PPP5C: variants seen among roughly 807,000 people sequenced by gnomAD.
PPP5C encodes protein phosphatase 5 catalytic subunit, also known as serine/threonine-protein phosphatase 5.
In PPP5C, 21 loss-of-function variants were observed where a neutral mutation model predicts 66.7. The observed-to-expected ratio is 0.31, with a 90% confidence interval of 0.22 to 0.45. The LOEUF (loss-of-function observed/expected upper bound fraction) is 0.45. PPP5C is among the 20% of genes least tolerant of loss of function. The pLI, the probability that PPP5C is intolerant of heterozygous loss-of-function variation, is 1.00. For missense variants in PPP5C, 464 were observed against 675.9 expected, an observed-to-expected ratio of 0.69 and a Z score of 3.48; for synonymous variants, 246 against 257.4, an observed-to-expected ratio of 0.96 and a Z score of 0.43.
intron 11 of PPP5C, among the ~76,000 whole-genome samples, chr19:46,389,357 CTCA>C: frequency 1.5e-5 from 2 of 130,332 alleles, no homozygotes; most frequent in African/African-American, 6.5e-5. Flanking sequence ...AAGACTCCAT[CTCA>C]AAACACACAC....
intron 2 of PPP5C, among the ~76,000 whole-genome samples, chr19:46,369,178 A>G (rs117530850): frequency 0.021 from 3,118 of 147,440 alleles, 43 homozygotes; most frequent in Non-Finnish European, 0.034. Flanking sequence ...TGTGAGCATC[A>G]TAGAGTGTGC....
rs1314726545 is a variant in PPP5C, at chr19:46,387,558, C to G, written c.1135+105C>G. The G allele has an allele frequency of 1.9e-6, 3 of 1,590,310 alleles. No homozygotes were observed. The East Asian group carries it at 6.9e-5, about 36-fold the overall frequency. ...CGGAGGATGGGCTTTGTGCCCTTGG[C>G]AAGAAACAGCGGGTCTGAGCCTCAG... is the stretch of plus-strand genomic sequence containing the variant. On this transcript the variant is annotated intron_variant, in intron 9 of 12. Coordinates refer to ENST00000012443, the MANE Select transcript of PPP5C (RefSeq NM_006247.4).
At chr19:46,371,385 C>T (rs1972588740) in intron 2 of PPP5C, among the ~76,000 whole-genome samples, 2 of 152,196 alleles carry the variant, frequency 1.3e-5, no homozygotes, top group African/African-American at 2.4e-5. Flanking sequence ...CTATTTCATC[C>T]AGCGCTCGCC....
chr19:46,379,012 T>C (rs1972744208), intron 4 of PPP5C, among the ~76,000 whole-genome samples: 1 of 151,944 alleles, frequency 6.6e-6, no homozygotes, highest in Admixed American at 6.6e-5. Context: ...GCCTCCAGAG[T>C]AGCTAGGATT....
At position 46,388,750 on chromosome 19, in the gene PPP5C, A is replaced by G. The variant is rs372389193; in HGVS notation, c.1355+19A>G. On this transcript the variant is annotated intron_variant, in intron 11 of 12. Coordinates refer to ENST00000012443, the MANE Select transcript of PPP5C (RefSeq NM_006247.4). This position sits in a 1 kb window ranked among gnomAD's most constrained non-coding sequence, Gnocchi z 4.9. ...ACTACTGGTATGTCTTTGCCTTTCC[A>G]GCCCAGGGCCTCTACCAAGCCACGG... 1.9e-6 allele frequency: 3 copies of G among 1,608,726 alleles called. No homozygotes were observed. The highest frequency in any genetic ancestry group is 1.7e-6 in the Non-Finnish European group (2 of 1,176,374).
At position 46,390,946 on chromosome 19, in the gene PPP5C, T is replaced by C; in HGVS notation, c.*600T>C. Reference sequence around the variant, plus strand: ...GGGTGGGGAGGCCGCAAAGTCCCGCTGGCCGGGCCCACCCAGCTCTGGGCT... The same window carrying C: ...GGGTGGGGAGGCCGCAAAGTCCCGCCGGCCGGGCCCACCCAGCTCTGGGCT... On this transcript the variant is annotated 3_prime_UTR_variant, in exon 13 of 13. Transcript: ENST00000012443. 8.5e-7 allele frequency: 1 copy of C among 1,177,800 alleles called. No individual in the cohort carries two copies. Among genetic ancestry groups the C allele is most frequent in the Non-Finnish European group, 1.1e-6 (1 of 933,272 alleles). 73.0% of individuals were successfully genotyped at this position (1,177,800 alleles called of 1,614,324 possible).
rs1156368261 is a variant in PPP5C, at chr19:46,387,172, C to T, written c.984C>T (p.Tyr328=). The T allele has an allele frequency of 5.0e-6, 8 of 1,614,116 alleles. No homozygotes were observed. Among genetic ancestry groups the T allele is most frequent in the East Asian group, 2.2e-5 (1 of 44,900 alleles). ...EVKAKYTAQM[Y]ELFSEVFEWL... is the part of the protein sequence containing the mutation. ...AGGCCAAGTACACAGCCCAGATGTA[C>T]GAGCTCTTTAGCGAGGTGTTCGAGT... is the stretch of plus-strand genomic sequence containing the variant. The change falls in exon 8 of 13, where the codon TAC becomes TAT. Residue 328 remains tyrosine, a synonymous_variant. Transcript: ENST00000012443.
Position 46,388,759 on chromosome 19 carries a change from C to A in PPP5C, c.1355+28C>A. On this transcript the variant is annotated intron_variant, in intron 11 of 12. Transcript: ENST00000012443. The surrounding 1 kb of genome is among the most constrained non-coding windows in gnomAD (Gnocchi z 4.9). ...ATGTCTTTGCCTTTCCAGCCCAGGG[C>A]CTCTACCAAGCCACGGGTTTTTGTC... 6.3e-7 allele frequency: 1 copy of A among 1,599,756 alleles called. No individual in the cohort carries two copies. Among genetic ancestry groups the A allele is most frequent in the Non-Finnish European group, 8.5e-7 (1 of 1,171,334 alleles).
chr19:46,352,841 G>C (rs1027948062), intron 1 of PPP5C, among the ~76,000 whole-genome samples: 1 of 150,472 alleles, frequency 6.6e-6, no homozygotes, highest in African/African-American at 2.4e-5. Context: ...AAAAAAGAAG[G>C]CCCACTTGTC....
At position 46,376,639 on chromosome 19, in the gene PPP5C, G is replaced by A. The variant is rs1220367219; in HGVS notation, c.633+65G>A. ...GGATGGCATCACAGCACTGCCAGCC[G>A]CGGGCACTGAGCAAAACGACAGGAG... On this transcript the variant is annotated intron_variant, in intron 4 of 12. Coordinates refer to ENST00000012443, the MANE Select transcript of PPP5C (RefSeq NM_006247.4). The surrounding 1 kb of genome is among the most constrained non-coding windows in gnomAD (Gnocchi z 5.1). 1.6e-5 allele frequency: 25 copies of A among 1,582,600 alleles called. No homozygotes were observed. Among genetic ancestry groups the A allele is most frequent in the Middle Eastern group, 1.9e-4 (1 of 5,278 alleles).
At position 46,390,547 on chromosome 19, in the gene PPP5C, C is replaced by T. The variant is rs1973001118; in HGVS notation, c.*201C>T. ...CTGGCCAGAGGGTCTGCTCCCTGGA[C>T]AGAGAGGAAGGAGGTGGAGCAGCTG... On this transcript the variant is annotated 3_prime_UTR_variant, in exon 13 of 13. Coordinates refer to ENST00000012443, the MANE Select transcript of PPP5C (RefSeq NM_006247.4). 7.0e-7 allele frequency: 1 copy of T among 1,419,624 alleles called. No homozygotes were observed. Among genetic ancestry groups the T allele is most frequent in the Non-Finnish European group, 9.2e-7 (1 of 1,086,740 alleles). The allele number at this position is 1,419,624 out of a possible 1,614,324, so 87.9% of individuals were successfully genotyped here.
intron 2 of PPP5C, among the ~76,000 whole-genome samples, chr19:46,371,784 A>G (rs1321863799): frequency 1.3e-5 from 2 of 152,192 alleles, no homozygotes; most frequent in African/African-American, 4.8e-5. Context: ...CCTGCCCTGG[A>G]AACCTGACTT....
At position 46,388,844 on chromosome 19, in the gene PPP5C, A is replaced by G. The variant is rs543120511; in HGVS notation, c.1355+113A>G. 1.1e-5 allele frequency: 15 copies of G among 1,329,124 alleles called. No individual in the cohort carries two copies. The South Asian group carries it at 1.9e-4, about 17-fold the overall frequency. The allele number at this position is 1,329,124 out of a possible 1,614,324, so 82.3% of individuals were successfully genotyped here. ...TTCAAAGACAGGCAAGAGCAGATAA[A>G]AGAACATGACGAACACCCCCGTATG... On this transcript the variant is annotated intron_variant, in intron 11 of 12. Coordinates refer to ENST00000012443, the MANE Select transcript of PPP5C (RefSeq NM_006247.4). The surrounding 1 kb of genome is among the most constrained non-coding windows in gnomAD (Gnocchi z 4.9).
Position 46,362,477 on chromosome 19 carries a change from A to G in PPP5C, c.363+8488A>G, listed in dbSNP as rs144504426. On this transcript the variant is annotated intron_variant, in intron 2 of 12. Transcript: ENST00000012443. Reference sequence around the variant, plus strand: ...CATTAATTTAGCTTAGTAAAACCCTAAGGGCATAATTACCAAAAGATTTGA... The same window carrying G: ...CATTAATTTAGCTTAGTAAAACCCTGAGGGCATAATTACCAAAAGATTTGA... Among the ~76,000 whole-genome samples, 12 of 152,314 alleles carry G rather than the reference A, an allele frequency of 7.9e-5. No individual in the cohort carries two copies. In the East Asian group the frequency reaches 2.3e-3, roughly 29 times the overall value.
At chr19:46,369,575 T>G in intron 2 of PPP5C, among the ~76,000 whole-genome samples, 1 of 144,046 alleles carries the variant, frequency 6.9e-6, no homozygotes, top group Non-Finnish European at 1.5e-5. Flanking sequence ...GAGCTTGCAG[T>G]GAGCGGACAT....
intron 2 of PPP5C, among the ~76,000 whole-genome samples, chr19:46,366,250 CA>C (rs1348698559): frequency 6.7e-6 from 1 of 149,782 alleles, no homozygotes; most frequent in Non-Finnish European, 1.5e-5. Flanking sequence ...TTAACATAGA[CA>C]GAGTTTATTT....
chr19:46,379,524 A>G (rs1278716850), intron 4 of PPP5C, among the ~76,000 whole-genome samples: 1 of 152,154 alleles, frequency 6.6e-6, no homozygotes, highest in Non-Finnish European at 1.5e-5. Context: ...TAGTTCATTT[A>G]TGTTTAACTA....
In PPP5C at chr19:46,352,264, G is replaced by A. The variant is rs143416651; in HGVS notation, c.122-1484G>A. On this transcript the variant is annotated intron_variant, in intron 1 of 12. Transcript: ENST00000012443. ...GGGCTGTGTGTAAGAAGGACTCTCG[G>A]AGTGCTGTTGAGAACATTAAAATGG... 8.5e-3 allele frequency among the ~76,000 whole-genome samples: 1,290 copies of A among 152,310 alleles called. 6 individuals carry two copies. The highest frequency in any genetic ancestry group is 0.013 in the Non-Finnish European group (912 of 68,020).
chr19:46,350,453 C>T (rs1227006568), intron 1 of PPP5C, among the ~76,000 whole-genome samples: 2 of 152,172 alleles, frequency 1.3e-5, no homozygotes, highest in African/African-American at 4.8e-5. Flanking sequence ...CCCCCAGGAC[C>T]TGGGATCCAG....
Sources: allele counts gnomAD v4.1 joint callset (sites outside exome capture counted in the v4.1 genomes callset), GRCh38; gene constraint gnomAD v4.1.1; non-coding constraint Gnocchi (gnomAD v3.1); transcripts MANE v1.5; gene names NCBI Gene and HGNC (gene_info 2026-07-23, HGNC 2026-07-21).